Variants in DPYD observed in about 807,000 individuals in gnomAD.
DPYD encodes the protein dihydropyrimidine dehydrogenase, also known as dihydropyrimidine dehydrogenase [NADP(+)].
In DPYD, 109 loss-of-function variants were observed where a neutral mutation model predicts 116.2. The ratio of observed to expected loss-of-function variants is 0.94; its 90% confidence interval spans 0.80 to 1.10. The LOEUF (loss-of-function observed/expected upper bound fraction) is 1.10, where lower values mean the gene tolerates loss of function less well. Among genes scored for constraint, DPYD ranks in the 50% least tolerant of loss-of-function variants. The pLI is 0.00. For synonymous variants in DPYD, 440 were observed against 432.0 expected, an observed-to-expected ratio of 1.02 and a Z score of -0.23; for missense variants, 1,302 against 1,254.5, an observed-to-expected ratio of 1.04 and a Z score of -0.57.
At chr1:97,348,147 G>A (rs916832882) in intron 16 of DPYD, among the ~76,000 whole-genome samples, 10 of 152,090 alleles carry the variant, frequency 6.6e-5, no homozygotes, top group Admixed American at 5.2e-4. Flanking sequence ...ACAAACAGAA[G>A]AAAAATTAAA....
intron 8 of DPYD, among the ~76,000 whole-genome samples, chr1:97,627,495 T>C (rs778887181): frequency 2.7e-4 from 41 of 152,170 alleles, no homozygotes; most frequent in Non-Finnish European, 5.1e-4. Flanking sequence ...ATTTTCCCTA[T>C]ATCACCCTCC....
At chr1:97,424,355 C>T (rs1557702447) in intron 14 of DPYD, among the ~76,000 whole-genome samples, 1 of 151,964 alleles carries the variant, frequency 6.6e-6, no homozygotes, top group Non-Finnish European at 1.5e-5. Context: ...ATTTCTCTTT[C>T]ACCTCCTGAA....
intron 3 of DPYD, among the ~76,000 whole-genome samples, chr1:97,794,327 A>C (rs79005678): frequency 6.6e-6 from 1 of 152,206 alleles, no homozygotes; most frequent in African/African-American, 2.4e-5. Context: ...TTGAATCCAT[A>C]ATATTGTTTA....
At chr1:97,873,752 T>C (rs1671772803) in intron 2 of DPYD, among the ~76,000 whole-genome samples, 1 of 151,928 alleles carries the variant, frequency 6.6e-6, no homozygotes, top group South Asian at 2.1e-4. Flanking sequence ...CACAGTTGTA[T>C]TCTCAGCACC....
At chr1:97,669,931 CTT>C (rs1359893145) in intron 8 of DPYD, among the ~76,000 whole-genome samples, 3 of 152,154 alleles carry the variant, frequency 2.0e-5, no homozygotes, top group Admixed American at 6.6e-5. Context: ...GTTCACCAAA[CTT>C]TACATAGCAG....
At chr1:97,420,385 T>C (rs1332611873) in intron 14 of DPYD, among the ~76,000 whole-genome samples, 9 of 152,172 alleles carry the variant, frequency 5.9e-5, no homozygotes, top group Middle Eastern at 3.2e-3. Flanking sequence ...ATGTGAAAAC[T>C]TGTAGATTTT....
intron 2 of DPYD, among the ~76,000 whole-genome samples, chr1:97,881,090 A>G (rs1012412630): frequency 1.5e-4 from 23 of 152,026 alleles, no homozygotes; most frequent in African/African-American, 4.8e-5. Flanking sequence ...TGATAATTTT[A>G]AAGTATTGTT....
rs562185973 is a variant in DPYD, at chr1:97,501,641, T to C, written c.1740+14085A>G. Among the ~76,000 whole-genome samples, 104 of 151,702 alleles carry C rather than the reference T, an allele frequency of 6.9e-4. No homozygotes were observed. In the Middle Eastern group the frequency reaches 0.02, roughly 30 times the overall value. On this transcript the variant is annotated intron_variant, in intron 13 of 22. Transcript: ENST00000370192. ...CAGGAGGATCACTTGAGCTCAGGAG[T>C]TCAAGGATACAGTGAATCTACACTC... is the stretch of plus-strand genomic sequence containing the variant.
intron 13 of DPYD, among the ~76,000 whole-genome samples, chr1:97,463,974 C>T (rs1195898970): frequency 1.3e-5 from 2 of 152,100 alleles, no homozygotes; most frequent in East Asian, 1.9e-4. Context: ...CATGGTGGCT[C>T]ATGCCTGTAA....
intron 18 of DPYD, among the ~76,000 whole-genome samples, chr1:97,261,614 G>C (rs959880135): frequency 1.3e-5 from 2 of 150,456 alleles, no homozygotes; most frequent in Admixed American, 6.7e-5. Context: ...AAAATAGTTT[G>C]AGATGGCAGT....
intron 8 of DPYD, among the ~76,000 whole-genome samples, chr1:97,640,805 G>GA (rs1192437624): frequency 2.6e-5 from 4 of 151,666 alleles, no homozygotes; most frequent in Non-Finnish European, 4.4e-5. Context: ...TCCCCTGGGT[G>GA]AAAAAAAATG....
intron 2 of DPYD, among the ~76,000 whole-genome samples, chr1:97,852,905 T>C (rs1013296608): frequency 6.6e-6 from 1 of 152,180 alleles, no homozygotes; most frequent in Non-Finnish European, 1.5e-5. Context: ...CTTATTCAGA[T>C]GTATTTCCCT....
At chr1:97,841,954 T>C (rs934830548) in intron 2 of DPYD, among the ~76,000 whole-genome samples, 1 of 151,762 alleles carries the variant, frequency 6.6e-6, no homozygotes, top group Admixed American at 6.6e-5. Context: ...AAGGAATAAA[T>C]AAAAAATATA....
At chr1:97,567,930 GT>G (rs1652644515) in intron 11 of DPYD, among the ~76,000 whole-genome samples, 1 of 151,822 alleles carries the variant, frequency 6.6e-6, no homozygotes, top group African/African-American at 2.4e-5. Flanking sequence ...GTGTAGGTTT[GT>G]TACGTATGTA....
chr1:97,369,068 T>C (rs900632348), intron 16 of DPYD, among the ~76,000 whole-genome samples: 1 of 152,142 alleles, frequency 6.6e-6, no homozygotes, highest in African/African-American at 2.4e-5. Context: ...GTAATATAAT[T>C]TTAGTAGGCT....
chr1:97,361,498 C>T (rs962016926), intron 16 of DPYD, among the ~76,000 whole-genome samples: 1 of 151,896 alleles, frequency 6.6e-6, no homozygotes, highest in African/African-American at 2.4e-5. Flanking sequence ...AGAGACACAA[C>T]AAAAAAAGAG....
chr1:97,243,765 T>C (rs1662533969), intron 18 of DPYD, among the ~76,000 whole-genome samples: 1 of 151,990 alleles, frequency 6.6e-6, no homozygotes, highest in South Asian at 2.1e-4. Context: ...AGAGTAACCA[T>C]ATAGCCCAGT....
chr1:97,153,103 A>G (rs1332381241), intron 20 of DPYD, among the ~76,000 whole-genome samples: 4 of 152,116 alleles, frequency 2.6e-5, no homozygotes, highest in African/African-American at 9.7e-5. Context: ...TAGTAGAGGC[A>G]TTCTTTGGTC....
chr1:97,373,446 G>T (rs1013163946), intron 16 of DPYD, 115 bp downstream of exon 16: 71 of 839,300 alleles, frequency 8.5e-5, no homozygotes, highest in Admixed American at 1.5e-4. Flanking sequence ...AGACCTGGAA[G>T]TCTCTAGCCA....
Sources: allele counts gnomAD v4.1 joint callset (sites outside exome capture counted in the v4.1 genomes callset), GRCh38; gene constraint gnomAD v4.1.1; transcripts MANE v1.5; gene names NCBI Gene and HGNC (gene_info 2026-07-23, HGNC 2026-07-21).